CALCRL: variants seen among roughly 807,000 people sequenced by gnomAD.
CALCRL encodes calcitonin gene-related peptide type 1 receptor.
In CALCRL, 27 loss-of-function variants were observed where a neutral mutation model predicts 60.4. The observed-to-expected ratio is 0.45, with a 90% confidence interval of 0.33 to 0.62. CALCRL has a LOEUF of 0.62. Among genes scored for constraint, CALCRL ranks in the 20% least tolerant of loss-of-function variants. CALCRL has a pLI of 0.03. For synonymous variants in CALCRL, 190 were observed against 182.6 expected (o/e 1.04, Z -0.33); for missense variants, 424 against 540.7 (o/e 0.78, Z 2.14).
chr2:187,370,896 G>A (rs1687488797), intron 8 of CALCRL, among the ~76,000 whole-genome samples: 1 of 152,162 alleles, frequency 6.6e-6, no homozygotes, highest in Non-Finnish European at 1.5e-5. Context: ...GGAGAGGGAT[G>A]GATTTTTATG....
chr2:187,408,158 T>G (rs181599040), intron 1 of CALCRL, among the ~76,000 whole-genome samples: 1 of 152,060 alleles, frequency 6.6e-6, no homozygotes, highest in Non-Finnish European at 1.5e-5. Flanking sequence ...TATAAATACA[T>G]TAAGTATTGA....
intron 1 of CALCRL, among the ~76,000 whole-genome samples, chr2:187,392,535 G>T (rs1027534348): frequency 6.6e-6 from 1 of 152,034 alleles, no homozygotes; most frequent in African/African-American, 2.4e-5. Context: ...TTCCACACCT[G>T]CATGGCAAAT....
intron 3 of CALCRL, 99 bp from the exon 4 acceptor site, chr2:187,385,730 C>A: frequency 1.5e-6 from 1 of 663,670 alleles, no homozygotes; most frequent in Non-Finnish European, 2.5e-6. Flanking sequence ...CACAATAATT[C>A]AATAATTTTA....
intron 1 of CALCRL, among the ~76,000 whole-genome samples, chr2:187,410,859 C>A (rs1689326483): frequency 6.6e-6 from 1 of 151,698 alleles, no homozygotes; most frequent in Admixed American, 6.6e-5. Context: ...TCTCAAGAGG[C>A]TCAAAGTGTG....
intron 1 of CALCRL, among the ~76,000 whole-genome samples, chr2:187,397,178 T>C (rs1343778493): frequency 6.6e-6 from 1 of 151,766 alleles, no homozygotes; most frequent in Non-Finnish European, 1.5e-5. Flanking sequence ...TTATTATACA[T>C]ATTTTCATTT....
chr2:187,367,912 G>A (rs909662944), intron 8 of CALCRL, among the ~76,000 whole-genome samples: 3 of 151,972 alleles, frequency 2.0e-5, no homozygotes, highest in African/African-American at 7.2e-5. Flanking sequence ...AGTTACAGAG[G>A]CAGTTGATGT....
chr2:187,386,000 A>G (rs1250227798), intron 3 of CALCRL, among the ~76,000 whole-genome samples: 2 of 152,200 alleles, frequency 1.3e-5, no homozygotes, highest in African/African-American at 4.8e-5. Flanking sequence ...AGATTAAAAT[A>G]TATTAAAACT....
intron 1 of CALCRL, 88 bp downstream of exon 1, chr2:187,447,951 T>C (rs1039717642): frequency 1.3e-5 from 2 of 152,162 alleles, no homozygotes; most frequent in Non-Finnish European, 2.9e-5. Flanking sequence ...ATTTCAGTGC[T>C]ATCTACTAAA....
intron 1 of CALCRL, among the ~76,000 whole-genome samples, chr2:187,423,177 G>A (rs1689958532): frequency 6.6e-6 from 1 of 151,972 alleles, no homozygotes; most frequent in African/African-American, 2.4e-5. Context: ...TGTTCTGACT[G>A]CAAAGAAATA....
intron 1 of CALCRL, among the ~76,000 whole-genome samples, chr2:187,426,454 AT>A (rs1690131808): frequency 6.6e-6 from 1 of 152,166 alleles, no homozygotes; most frequent in South Asian, 2.1e-4. Context: ...TTTATAAAAA[AT>A]AATGGCAATA....
At chr2:187,363,877 T>G (rs1687164369) in intron 8 of CALCRL, among the ~76,000 whole-genome samples, 4 of 152,210 alleles carry the variant, frequency 2.6e-5, no homozygotes, top group Admixed American at 2.6e-4. Context: ...TTTGAACACT[T>G]TGTATTTGCT....
chr2:187,381,589 G>A (rs1162818698), intron 5 of CALCRL, among the ~76,000 whole-genome samples: 1 of 151,842 alleles, frequency 6.6e-6, no homozygotes, highest in African/African-American at 2.4e-5. Context: ...CCAAGTGGCT[G>A]GGACTACAGG....
chr2:187,389,524 C>T (rs1688347344), intron 1 of CALCRL, among the ~76,000 whole-genome samples: 1 of 152,076 alleles, frequency 6.6e-6, no homozygotes. Flanking sequence ...CACATTTTTC[C>T]ATCTAGAACT....
In CALCRL at chr2:187,346,663, A is replaced by ATTCATATGTATTTATTG. The variant is rs577981659; in HGVS notation, c.1171-281_1171-265dup. On this transcript the variant is annotated intron_variant, in intron 14 of 14. Transcript: ENST00000392370. ...ATGTTTTGTCTTCAAAGCTTTTATA[A>ATTCATATGTATTTATTG]TTCATATGTATTTATTGTTGCCAAA... Among the ~76,000 whole-genome samples the ATTCATATGTATTTATTG allele has an allele frequency of 1.9e-3, 290 of 151,950 alleles. 2 individuals are homozygous for ATTCATATGTATTTATTG. Among genetic ancestry groups the ATTCATATGTATTTATTG allele is most frequent in the African/African-American group, 6.7e-3 (277 of 41,496 alleles).
chr2:187,435,941 T>C (rs1326999131), intron 1 of CALCRL, among the ~76,000 whole-genome samples: 1 of 151,608 alleles, frequency 6.6e-6, no homozygotes, highest in Non-Finnish European at 1.5e-5. Context: ...AAATTTGTAA[T>C]TTGGATTATT....
At chr2:187,364,487 G>A (rs1236683311) in intron 8 of CALCRL, among the ~76,000 whole-genome samples, 1 of 151,468 alleles carries the variant, frequency 6.6e-6, no homozygotes, top group Non-Finnish European at 1.5e-5. Context: ...TTTTAAATAT[G>A]CTATTAATAT....
intron 1 of CALCRL, among the ~76,000 whole-genome samples, chr2:187,392,693 G>A (rs1363188491): frequency 6.6e-6 from 1 of 151,994 alleles, no homozygotes; most frequent in Admixed American, 6.6e-5. Flanking sequence ...ACTTCCAATA[G>A]AGTCTTTTTA....
At chr2:187,446,447 T>C (rs1187122902) in intron 1 of CALCRL, among the ~76,000 whole-genome samples, 1 of 151,740 alleles carries the variant, frequency 6.6e-6, no homozygotes, top group African/African-American at 2.4e-5. Context: ...AAAAATTTAA[T>C]CAAATTATAC....
chr2:187,363,533 A>G (rs1286133607), intron 8 of CALCRL, 31 bp from the exon 9 acceptor site: 13 of 1,549,546 alleles, frequency 8.4e-6, no homozygotes, highest in Non-Finnish European at 1.0e-5. Flanking sequence ...GTGTGTTGAC[A>G]TCATGAAATG....
Sources: allele counts gnomAD v4.1 joint callset (sites outside exome capture counted in the v4.1 genomes callset), GRCh38; gene constraint gnomAD v4.1.1; transcripts MANE v1.5; gene names NCBI Gene and HGNC (gene_info 2026-07-23, HGNC 2026-07-21).